Variants in IMMP2L observed in about 807,000 individuals in gnomAD.
The protein encoded by IMMP2L is inner mitochondrial membrane peptidase subunit 2, also known as mitochondrial inner membrane protease subunit 2.
A neutral mutation model predicts 19.3 loss-of-function variants in IMMP2L; 18 were observed. That is an observed-to-expected ratio of 0.93 (90% CI 0.64 to 1.38). The LOEUF is 1.38. Among genes scored for constraint, IMMP2L ranks in the 40% most tolerant of loss-of-function variants. The pLI is 0.00. For synonymous variants in IMMP2L, 76 were observed against 73.0 expected (o/e 1.04, Z -0.21); for missense variants, 233 against 218.2 (o/e 1.07, Z -0.43).
At chr7:110,818,434 G>A (rs1431605006) in intron 5 of IMMP2L, among the ~76,000 whole-genome samples, 1 of 152,160 alleles carries the variant, frequency 6.6e-6, no homozygotes, top group African/African-American at 2.4e-5. Context: ...ACATCAGTTA[G>A]AATGGCGATC....
At chr7:111,037,593 G>A (rs956201233) in intron 3 of IMMP2L, among the ~76,000 whole-genome samples, 3 of 152,088 alleles carry the variant, frequency 2.0e-5, no homozygotes, top group African/African-American at 7.2e-5. Context: ...TTATTGCCCA[G>A]CAAGGTAACT....
At chr7:111,499,273 G>C (rs1415656444) in intron 2 of IMMP2L, among the ~76,000 whole-genome samples, 1 of 152,174 alleles carries the variant, frequency 6.6e-6, no homozygotes, top group East Asian at 1.9e-4. Context: ...ATAGAGCTCA[G>C]TACCGAGGAG....
chr7:111,067,656 G>GA (rs1794627072), intron 3 of IMMP2L, among the ~76,000 whole-genome samples: 1 of 152,108 alleles, frequency 6.6e-6, no homozygotes, highest in Non-Finnish European at 1.5e-5. Context: ...CACCAATACA[G>GA]AAAAGCACTA....
chr7:111,447,847 A>G (rs2131870432), intron 3 of IMMP2L, among the ~76,000 whole-genome samples: 1 of 151,874 alleles, frequency 6.6e-6, no homozygotes, highest in East Asian at 1.9e-4. Flanking sequence ...GGCTCAAAAT[A>G]AAAGGATGGA....
chr7:111,007,228 T>G (rs993488607), intron 3 of IMMP2L, among the ~76,000 whole-genome samples: 13 of 152,054 alleles, frequency 8.5e-5, no homozygotes, highest in African/African-American at 3.1e-4. Context: ...TTGTAAGAAT[T>G]CACTCATTAT....
intron 4 of IMMP2L, among the ~76,000 whole-genome samples, chr7:110,911,754 T>C (rs563241537): frequency 2.0e-5 from 3 of 152,266 alleles, no homozygotes; most frequent in Non-Finnish European, 2.9e-5. Flanking sequence ...GCTTTACCCA[T>C]ATTTATCAAG....
intron 2 of IMMP2L, among the ~76,000 whole-genome samples, chr7:111,503,239 C>A (rs1362226297): frequency 6.6e-6 from 1 of 152,078 alleles, no homozygotes; most frequent in Non-Finnish European, 1.5e-5. Context: ...ATAAATTCCT[C>A]AACACATACA....
At chr7:111,017,577 T>G (rs1825842375) in intron 3 of IMMP2L, among the ~76,000 whole-genome samples, 1 of 152,174 alleles carries the variant, frequency 6.6e-6, no homozygotes, top group Non-Finnish European at 1.5e-5. Context: ...TCTGACATCC[T>G]CTTCGTTGTC....
At chr7:110,768,413 C>G (rs1187161520) in intron 5 of IMMP2L, among the ~76,000 whole-genome samples, 1 of 151,880 alleles carries the variant, frequency 6.6e-6, no homozygotes, top group African/African-American at 2.4e-5. Flanking sequence ...AATTTCAGTT[C>G]CATTCTGTGC....
At chr7:110,844,254 C>T (rs1051441932) in intron 5 of IMMP2L, among the ~76,000 whole-genome samples, 2 of 152,104 alleles carry the variant, frequency 1.3e-5, no homozygotes, top group African/African-American at 4.8e-5. Context: ...AGAAATGTAA[C>T]AAATTATTAA....
At chr7:110,966,953 G>A (rs1399414319) in intron 3 of IMMP2L, among the ~76,000 whole-genome samples, 1 of 152,032 alleles carries the variant, frequency 6.6e-6, no homozygotes, top group African/African-American at 2.4e-5. Flanking sequence ...TACAATGGAT[G>A]TTCCCCAATA....
At chr7:111,364,864 G>C (rs867246643) in intron 3 of IMMP2L, among the ~76,000 whole-genome samples, 1 of 151,524 alleles carries the variant, frequency 6.6e-6, no homozygotes, top group Non-Finnish European at 1.5e-5. Context: ...CAGCTACCAG[G>C]GAGGCTGAGG....
intron 3 of IMMP2L, among the ~76,000 whole-genome samples, chr7:111,024,254 G>A (rs1031813479): frequency 1.3e-5 from 2 of 152,176 alleles, no homozygotes; most frequent in Admixed American, 6.6e-5. Context: ...AACTGGATAA[G>A]TTTTGACTTA....
chr7:111,228,677 G>C (rs1382727369), intron 3 of IMMP2L, among the ~76,000 whole-genome samples: 1 of 151,790 alleles, frequency 6.6e-6, no homozygotes, highest in African/African-American at 2.4e-5. Context: ...TCCTCTATTG[G>C]GCAATGGCAG....
intron 5 of IMMP2L, among the ~76,000 whole-genome samples, chr7:110,697,664 G>A (rs1793986020): frequency 6.6e-6 from 1 of 152,078 alleles, no homozygotes; most frequent in African/African-American, 2.4e-5. Flanking sequence ...CTGTGGTGGT[G>A]CGGGCTGTAG....
chr7:111,041,777 T>G (rs1354709898), intron 3 of IMMP2L, among the ~76,000 whole-genome samples: 1 of 152,178 alleles, frequency 6.6e-6, no homozygotes, highest in African/African-American at 2.4e-5. Context: ...TCACACTTCC[T>G]ACTAGGGCAT....
At chr7:111,364,006 C>A (rs78225397) in intron 3 of IMMP2L, among the ~76,000 whole-genome samples, 4,894 of 151,818 alleles carry the variant, frequency 0.032, 110 homozygotes, top group Non-Finnish European at 0.044. Flanking sequence ...AGATCCCCCC[C>A]CACACACACA....
At chr7:110,842,016 G>C (rs935193089) in intron 5 of IMMP2L, among the ~76,000 whole-genome samples, 2 of 152,060 alleles carry the variant, frequency 1.3e-5, no homozygotes, top group East Asian at 1.9e-4. Context: ...ATACATTAAA[G>C]CACTTAGCAT....
intron 5 of IMMP2L, among the ~76,000 whole-genome samples, chr7:110,790,976 C>A (rs1270520210): frequency 6.6e-6 from 1 of 151,450 alleles, no homozygotes; most frequent in Admixed American, 6.6e-5. Flanking sequence ...AACTGGGCAC[C>A]CTGAAAACTG....
Sources: gnomAD v4.1 joint callset for allele counts (sites outside exome capture counted in the v4.1 genomes callset) on GRCh38, gnomAD v4.1.1 for gene constraint, MANE v1.5 for transcripts, NCBI Gene and HGNC (gene_info 2026-07-23, HGNC 2026-07-21) for gene names.